ANTXR1: variants seen among roughly 807,000 people sequenced by gnomAD.
The protein encoded by ANTXR1 is ANTXR cell adhesion molecule 1, also known as anthrax toxin receptor 1.
Under a neutral mutation model 78.1 loss-of-function variants are expected in ANTXR1, and 19 were observed. That is an observed-to-expected ratio of 0.24 (90% CI 0.17 to 0.36). The LOEUF (loss-of-function observed/expected upper bound fraction) is 0.36. Ranked by LOEUF, ANTXR1 falls within the 10% of genes least tolerant of loss-of-function variation. The probability of loss-of-function intolerance (pLI) is 1.00; values close to 1 mark genes in which losing one functional copy is unlikely to be tolerated. For synonymous variants in ANTXR1, 273 were observed against 260.5 expected (o/e 1.05, Z -0.46); for missense variants, 518 against 718.6 (o/e 0.72, Z 3.19).
chr2:69,063,352 C>T (rs1266621680), intron 3 of ANTXR1, among the ~76,000 whole-genome samples: 1 of 151,242 alleles, frequency 6.6e-6, no homozygotes, highest in Non-Finnish European at 1.5e-5. Context: ...AAAAAAAATG[C>T]AATCCAGAGA....
At chr2:69,072,316 G>A (rs1558515629) in intron 5 of ANTXR1, among the ~76,000 whole-genome samples, 1 of 152,182 alleles carries the variant, frequency 6.6e-6, no homozygotes, top group East Asian at 1.9e-4. Flanking sequence ...AGTGTCTTTC[G>A]TGAGTAGCAT....
chr2:69,040,147 A>G, intron 2 of ANTXR1, 32 bp downstream of exon 2: 1 of 1,590,602 alleles, frequency 6.3e-7, no homozygotes, highest in Non-Finnish European at 8.6e-7. Context: ...GTTCACTTGT[A>G]GTTCTCTGTC....
intron 12 of ANTXR1, among the ~76,000 whole-genome samples, chr2:69,148,352 G>A (rs1673288823): frequency 6.6e-6 from 1 of 152,190 alleles, no homozygotes; most frequent in Non-Finnish European, 1.5e-5. Context: ...CCTTGGCCCT[G>A]CTCTGCAGAG....
In ANTXR1 at chr2:69,044,049, T is replaced by C. The variant is rs191880017; in HGVS notation, c.225-693T>C. 3.9e-5 allele frequency among the ~76,000 whole-genome samples: 6 copies of C among 152,304 alleles called. No individual in the cohort carries two copies. In the East Asian group the frequency reaches 9.6e-4, roughly 24 times the overall value. Reference sequence around the variant, plus strand: ...TCCATCTTGCAGACTGAGAAACAAGTTCGTCCTCAGGTGAGAGTGCTTCTG... The same window carrying C: ...TCCATCTTGCAGACTGAGAAACAAGCTCGTCCTCAGGTGAGAGTGCTTCTG... On this transcript the variant is annotated intron_variant, in intron 2 of 17. Transcript: ENST00000303714.
chr2:69,070,131 C>G (rs937165965), intron 3 of ANTXR1, among the ~76,000 whole-genome samples: 5 of 152,232 alleles, frequency 3.3e-5, no homozygotes, highest in Non-Finnish European at 5.9e-5. Flanking sequence ...ACAGAAAACA[C>G]TCTTGGCTGT....
At chr2:69,017,435 T>C (rs12468876) in intron 1 of ANTXR1, among the ~76,000 whole-genome samples, 59,118 of 152,128 alleles carry the variant, frequency 0.39, 17,280 homozygotes, top group African/African-American at 0.8. Flanking sequence ...CTGCAACTCC[T>C]TCTTCCCCTG....
rs531850325 is a variant in ANTXR1 at position 69,152,358 on chromosome 2, G to A, written c.1047+94G>A. The A allele has an allele frequency of 4.0e-5, 50 of 1,265,116 alleles. No homozygotes were observed. The South Asian group carries it at 6.0e-4, about 15-fold the overall frequency. 78.4% of individuals were successfully genotyped at this position (1,265,116 alleles called of 1,614,324 possible). On this transcript the variant is annotated intron_variant, in intron 13 of 17. Transcript: ENST00000303714. ...AGAAAGGGATTTTTAAAAAACTAAA[G>A]ATGGGAGACAAATCTTGCATTTTTT... is the stretch of plus-strand genomic sequence containing the variant.
chr2:69,166,829 G>T (rs1341046199), intron 13 of ANTXR1, among the ~76,000 whole-genome samples: 1 of 152,174 alleles, frequency 6.6e-6, no homozygotes, highest in Non-Finnish European at 1.5e-5. Context: ...TTGCATTCTA[G>T]TTGGAAACAG....
At chr2:69,103,003 C>T (rs766686368) in intron 10 of ANTXR1, 63 bp downstream of exon 10, 26 of 1,486,700 alleles carry the variant, frequency 1.7e-5, no homozygotes, top group Non-Finnish European at 2.4e-5. Context: ...GAATTCCCAC[C>T]CTTGTCTTCC....
At chr2:69,061,949 G>A (rs1267863036) in intron 3 of ANTXR1, among the ~76,000 whole-genome samples, 1 of 152,084 alleles carries the variant, frequency 6.6e-6, no homozygotes, top group African/African-American at 2.4e-5. Flanking sequence ...GAAAAGCCCA[G>A]ACAAAATAAA....
chr2:69,078,455 A>C (rs1327030836), intron 8 of ANTXR1, among the ~76,000 whole-genome samples: 2 of 152,218 alleles, frequency 1.3e-5, no homozygotes, highest in Non-Finnish European at 2.9e-5. Context: ...CCAAGGGCTC[A>C]GCATCTGCCA....
intron 12 of ANTXR1, among the ~76,000 whole-genome samples, chr2:69,134,228 A>C (rs1320401407): frequency 1.3e-5 from 2 of 152,230 alleles, no homozygotes; most frequent in East Asian, 3.8e-4. Flanking sequence ...AAATACTACC[A>C]AATACGGTAT....
chr2:69,132,678 G>A (rs1158962501), intron 12 of ANTXR1, among the ~76,000 whole-genome samples: 1 of 152,182 alleles, frequency 6.6e-6, no homozygotes, highest in Admixed American at 6.6e-5. Flanking sequence ...CAATCAAGTG[G>A]GTAGCTGTCT....
chr2:69,089,671 G>C (rs1359613024), intron 8 of ANTXR1, among the ~76,000 whole-genome samples: 1 of 152,178 alleles, frequency 6.6e-6, no homozygotes, highest in Non-Finnish European at 1.5e-5. Context: ...ATACAACGAT[G>C]CAAATAAATG....
At chr2:69,118,923 A>G (rs1672250071) in intron 10 of ANTXR1, among the ~76,000 whole-genome samples, 1 of 152,182 alleles carries the variant, frequency 6.6e-6, no homozygotes, top group African/African-American at 2.4e-5. Flanking sequence ...CTCGGAGCAG[A>G]AAATGCCAGC....
At chr2:69,238,726 CAG>C (rs1356836472) in intron 17 of ANTXR1, among the ~76,000 whole-genome samples, 1 of 152,110 alleles carries the variant, frequency 6.6e-6, no homozygotes, top group Non-Finnish European at 1.5e-5. Flanking sequence ...AGAACTAGGC[CAG>C]AGAGAAAAGG....
At chr2:69,098,960 T>C (rs1318279757) in intron 9 of ANTXR1, among the ~76,000 whole-genome samples, 1 of 146,576 alleles carries the variant, frequency 6.8e-6, no homozygotes, top group Admixed American at 7.0e-5. Context: ...CACTCCAGCC[T>C]AGGTGATAGA....
intron 12 of ANTXR1, among the ~76,000 whole-genome samples, chr2:69,150,781 G>A (rs1476231286): frequency 6.6e-6 from 1 of 152,054 alleles, no homozygotes; most frequent in African/African-American, 2.4e-5. Flanking sequence ...CAGAGTGGGA[G>A]GCCAAGGCAG....
chr2:69,164,050 A>C (rs1013892383), intron 13 of ANTXR1, among the ~76,000 whole-genome samples: 2 of 152,246 alleles, frequency 1.3e-5, no homozygotes, highest in African/African-American at 4.8e-5. Flanking sequence ...GTGTTGGAAC[A>C]AAACAGACTG....
Sources: allele counts gnomAD v4.1 joint callset (sites outside exome capture counted in the v4.1 genomes callset), GRCh38; gene constraint gnomAD v4.1.1; transcripts MANE v1.5; gene names NCBI Gene and HGNC (gene_info 2026-07-23, HGNC 2026-07-21).